The following WDFY3 variants were observed in gnomAD, a reference collection of about 807,000 sequenced individuals.
The protein encoded by WDFY3 is WD repeat and FYVE domain-containing protein 3.
In WDFY3, 66 loss-of-function variants were observed where a neutral mutation model predicts 409.6. The ratio of observed to expected loss-of-function variants is 0.16; its 90% confidence interval spans 0.13 to 0.20. The LOEUF (loss-of-function observed/expected upper bound fraction) is 0.20, where lower values mean the gene tolerates loss of function less well. Among genes scored for constraint, WDFY3 ranks in the 10% least tolerant of loss-of-function variants. The pLI, the probability that WDFY3 is intolerant of heterozygous loss-of-function variation, is 1.00. For synonymous variants in WDFY3, 1,521 were observed against 1,537.1 expected, an observed-to-expected ratio of 0.99 and a Z score of 0.25; for missense variants, 3,031 against 4,298.1, an observed-to-expected ratio of 0.71 and a Z score of 8.24.
chr4:84,916,731 GAATT>G (rs1768541936), intron 2 of WDFY3, among the ~76,000 whole-genome samples: 1 of 152,154 alleles, frequency 6.6e-6, no homozygotes, highest in East Asian at 1.9e-4. Flanking sequence ...TGAATATACT[GAATT>G]AATAAAACAA....
intron 2 of WDFY3, among the ~76,000 whole-genome samples, chr4:84,905,518 C>G (rs1012762788): frequency 3.9e-5 from 6 of 152,182 alleles, no homozygotes; most frequent in African/African-American, 1.4e-4. Context: ...TAGATCTCAT[C>G]TATCCTTTTC....
intron 46 of WDFY3, among the ~76,000 whole-genome samples, chr4:84,722,064 A>T (rs986811975): frequency 1.3e-5 from 2 of 152,184 alleles, no homozygotes; most frequent in African/African-American, 4.8e-5. Flanking sequence ...ATAATCAATG[A>T]TTGTCACAAA....
chr4:84,788,133 G>T (rs1010419062), intron 22 of WDFY3, among the ~76,000 whole-genome samples: 1 of 152,126 alleles, frequency 6.6e-6, no homozygotes, highest in African/African-American at 2.4e-5. Context: ...CTGATGAAAA[G>T]CGTTTTATAG....
chr4:84,729,772 C>G (rs1420333651), intron 44 of WDFY3, among the ~76,000 whole-genome samples: 1 of 151,936 alleles, frequency 6.6e-6, no homozygotes, highest in Admixed American at 6.6e-5. Context: ...CTGTATTCTT[C>G]AGCTTAAGGG....
At chr4:84,832,990 G>A (rs1755973008) in intron 7 of WDFY3, among the ~76,000 whole-genome samples, 2 of 151,444 alleles carry the variant, frequency 1.3e-5, no homozygotes, top group Non-Finnish European at 2.9e-5. Flanking sequence ...AAGTAATAGA[G>A]GATATTAGAG....
intron 3 of WDFY3, among the ~76,000 whole-genome samples, chr4:84,888,839 T>A (rs1355933989): frequency 6.6e-6 from 1 of 152,046 alleles, no homozygotes; most frequent in Non-Finnish European, 1.5e-5. Context: ...GGGCTTTTTT[T>A]TTTTTTCTTG....
chr4:84,923,785 G>A (rs1214445300), intron 2 of WDFY3, among the ~76,000 whole-genome samples: 1 of 152,114 alleles, frequency 6.6e-6, no homozygotes, highest in East Asian at 1.9e-4. Context: ...GATCACCTGA[G>A]GTCAGGAGTT....
chr4:84,834,963 G>C (rs986575765), intron 7 of WDFY3, among the ~76,000 whole-genome samples: 9 of 152,180 alleles, frequency 5.9e-5, no homozygotes, highest in Non-Finnish European at 2.9e-5. Context: ...ACTAAAAGCA[G>C]CAGTGAACTA....
At chr4:84,858,203 C>T (rs760353587) in intron 4 of WDFY3, among the ~76,000 whole-genome samples, 4 of 152,098 alleles carry the variant, frequency 2.6e-5, no homozygotes, top group Non-Finnish European at 4.4e-5. Flanking sequence ...AGTATATTAT[C>T]TGAATTTAAC....
At chr4:84,763,454 G>A (rs895220420) in intron 32 of WDFY3, among the ~76,000 whole-genome samples, 6 of 151,950 alleles carry the variant, frequency 3.9e-5, no homozygotes, top group African/African-American at 1.5e-4. Flanking sequence ...CCTAGATGAC[G>A]GGCTGATAGG....
intron 2 of WDFY3, among the ~76,000 whole-genome samples, chr4:84,923,562 GC>G (rs1236576461): frequency 6.6e-6 from 1 of 152,042 alleles, no homozygotes; most frequent in Non-Finnish European, 1.5e-5. Context: ...TAATTCTTGG[GC>G]CCAACTATTA....
chr4:84,893,938 G>A (rs763488031), intron 3 of WDFY3, among the ~76,000 whole-genome samples: 4 of 151,806 alleles, frequency 2.6e-5, no homozygotes, highest in Non-Finnish European at 5.9e-5. Flanking sequence ...GCAATGAGCC[G>A]AGGCTGCGCC....
At chr4:84,920,033 A>C (rs1769060926) in intron 2 of WDFY3, among the ~76,000 whole-genome samples, 1 of 152,172 alleles carries the variant, frequency 6.6e-6, no homozygotes, top group African/African-American at 2.4e-5. Context: ...AACATCAAAC[A>C]AATAAAAAAT....
rs543975281 is a variant in WDFY3, at chr4:84,806,536, T to C, written c.2429+1798A>G. Reference sequence around the variant, plus strand: ...ACAATATGTTTTTGATTTAAGGCCATAAGTAACTCTTTAAGAATAAAAAGA... The same window carrying C: ...ACAATATGTTTTTGATTTAAGGCCACAAGTAACTCTTTAAGAATAAAAAGA... On this transcript the variant is annotated intron_variant, in intron 15 of 67. Coordinates refer to ENST00000295888, the MANE Select transcript of WDFY3 (RefSeq NM_014991.6). Among the ~76,000 whole-genome samples the C allele has an allele frequency of 8.2e-4, 123 of 149,872 alleles. 1 individual carries two copies. Among genetic ancestry groups the C allele is most frequent in the African/African-American group, 3.0e-3 (116 of 39,268 alleles).
chr4:84,945,940 T>C (rs776120746), intron 1 of WDFY3, among the ~76,000 whole-genome samples: 1 of 152,058 alleles, frequency 6.6e-6, no homozygotes, highest in African/African-American at 2.4e-5. Flanking sequence ...ATGGAGGCTA[T>C]AGAATTGACA....
chr4:84,831,734 A>C, intron 7 of WDFY3, 129 bp from the exon 8 acceptor site: 1 of 753,452 alleles, frequency 1.3e-6, no homozygotes, highest in South Asian at 2.2e-5. Context: ...AGGTATATGA[A>C]AAAATGCTCA....
chr4:84,890,669 TA>T (rs1764828810), intron 3 of WDFY3, among the ~76,000 whole-genome samples: 1 of 152,208 alleles, frequency 6.6e-6, no homozygotes, highest in African/African-American at 2.4e-5. Flanking sequence ...ATTTCTCAGT[TA>T]AGGGTCAGAT....
chr4:84,749,128 C>T (rs1740039234), intron 36 of WDFY3, among the ~76,000 whole-genome samples: 1 of 152,122 alleles, frequency 6.6e-6, no homozygotes, highest in African/African-American at 2.4e-5. Context: ...TTAAGCAATC[C>T]TTCTGCCTTG....
intron 1 of WDFY3, among the ~76,000 whole-genome samples, chr4:84,944,687 T>A (rs1772583451): frequency 6.6e-6 from 1 of 150,872 alleles, no homozygotes; most frequent in African/African-American, 2.4e-5. Context: ...TAGCCAGGCA[T>A]GGTGGCTAAG....
Sources: allele counts gnomAD v4.1 joint callset (sites outside exome capture counted in the v4.1 genomes callset), GRCh38; gene constraint gnomAD v4.1.1; transcripts MANE v1.5; gene names NCBI Gene and HGNC (gene_info 2026-07-23, HGNC 2026-07-21).